Variants in SNAP91 observed in about 807,000 individuals in gnomAD.
The protein encoded by SNAP91 is synaptosome associated protein 91, also known as clathrin coat assembly protein AP180.
Under a neutral mutation model 100.3 loss-of-function variants are expected in SNAP91, and 27 were observed. That is an observed-to-expected ratio of 0.27 (90% confidence interval 0.20 to 0.37). The LOEUF (loss-of-function observed/expected upper bound fraction) is 0.37. SNAP91 is among the 10% of genes least tolerant of loss of function. The pLI is 1.00. For synonymous variants in SNAP91, 404 were observed against 398.6 expected, an observed-to-expected ratio of 1.01 and a Z score of -0.16; for missense variants, 986 against 1,123.7, an observed-to-expected ratio of 0.88 and a Z score of 1.75.
At position 83,607,724 on chromosome 6, in the gene SNAP91, T is replaced by C; in HGVS notation, c.997A>G (p.Thr333Ala). The change falls in exon 13 of 30, where the codon ACT becomes GCT. Residue 333 changes from threonine to alanine, a missense_variant. Physicochemically the swap from Thr to Ala is moderately conservative, Grantham distance 58. Coordinates refer to ENST00000369694, the MANE Select transcript of SNAP91 (RefSeq NM_001242792.2). Reference sequence around the variant, plus strand: ...CTGACTGGGACAGCCGCAGATGCAGTTGCAAATAAATCAACCGGTGGGGAT... The same window carrying C: ...CTGACTGGGACAGCCGCAGATGCAGCTGCAAATAAATCAACCGGTGGGGAT... ...DTSPPVDLFATASAAVPVSTS... is the reference protein window; with the variant it reads ...DTSPPVDLFAAASAAVPVSTS... 1 of 1,588,722 alleles carries C rather than the reference T, an allele frequency of 6.3e-7. No individual in the cohort carries two copies. Among genetic ancestry groups the C allele is most frequent in the Non-Finnish European group, 8.6e-7 (1 of 1,166,914 alleles).
chr6:83,681,306 C>T lies in SNAP91; in HGVS notation c.131-15725G>A, dbSNP rs116547578. On this transcript the variant is annotated intron_variant, in intron 2 of 29. Coordinates refer to ENST00000369694, the MANE Select transcript of SNAP91 (RefSeq NM_001242792.2). ...CCTAAGGTCCCCAGATAGCATTGGC[C>T]TGAACTTTGATTTTCACCAGGAGCA... Among the ~76,000 whole-genome samples the T allele has an allele frequency of 9.4e-3, 1,432 of 152,238 alleles. 26 individuals are homozygous for T. The highest frequency in any genetic ancestry group is 0.032 in the African/African-American group (1,338 of 41,542).
At chr6:83,707,269 C>T (rs1171553692) in intron 2 of SNAP91, among the ~76,000 whole-genome samples, 1 of 152,140 alleles carries the variant, frequency 6.6e-6, no homozygotes, top group East Asian at 1.9e-4. Flanking sequence ...CTCACACACA[C>T]ACACACACAC....
intron 22 of SNAP91, among the ~76,000 whole-genome samples, chr6:83,588,036 C>T (rs545659200): frequency 2.8e-5 from 4 of 141,044 alleles, no homozygotes; most frequent in Non-Finnish European, 6.1e-5. Flanking sequence ...ACCATGTTGG[C>T]CAGGCTGGCT....
chr6:83,707,505 T>A (rs1006708027), intron 2 of SNAP91, among the ~76,000 whole-genome samples: 1 of 149,276 alleles, frequency 6.7e-6, no homozygotes, highest in African/African-American at 2.5e-5. Flanking sequence ...GTGTGTACAA[T>A]CTCTCTCTTG....
intron 2 of SNAP91, among the ~76,000 whole-genome samples, chr6:83,701,869 CAGCT>C (rs2099315898): frequency 6.6e-6 from 1 of 152,220 alleles, no homozygotes; most frequent in Non-Finnish European, 1.5e-5. Flanking sequence ...GGCAGAAAAA[CAGCT>C]AGAAAGACTG....
intron 5 of SNAP91, among the ~76,000 whole-genome samples, chr6:83,660,830 G>C (rs185010720): frequency 1.3e-5 from 2 of 150,702 alleles, no homozygotes; most frequent in Non-Finnish European, 2.9e-5. Context: ...CCAGGCTGGA[G>C]TGCAGGGGCA....
chr6:83,632,254 T>C (rs904445396), intron 8 of SNAP91, among the ~76,000 whole-genome samples: 2 of 152,104 alleles, frequency 1.3e-5, no homozygotes, highest in Non-Finnish European at 2.9e-5. Flanking sequence ...GTTATACCTT[T>C]AAAGGTATAA....
At chr6:83,614,956 A>G in intron 10 of SNAP91, 94 bp from the exon 11 acceptor site, 4 of 1,030,116 alleles carry the variant, frequency 3.9e-6, no homozygotes, top group Non-Finnish European at 5.7e-6. Context: ...AGCAAAAGAC[A>G]AGTTCAAATG....
At chr6:83,629,478 T>G (rs1363000534) in intron 8 of SNAP91, among the ~76,000 whole-genome samples, 1 of 152,184 alleles carries the variant, frequency 6.6e-6, no homozygotes, top group Non-Finnish European at 1.5e-5. Flanking sequence ...ATACGGATTC[T>G]ACCCATCCAT....
intron 24 of SNAP91, among the ~76,000 whole-genome samples, chr6:83,579,193 ATTGT>A (rs1341347147): frequency 3.3e-5 from 5 of 152,004 alleles, no homozygotes; most frequent in Non-Finnish European, 5.9e-5. Flanking sequence ...CTTTTTCAAG[ATTGT>A]TTGGGTATTG....
intron 7 of SNAP91, among the ~76,000 whole-genome samples, chr6:83,643,869 A>T: frequency 6.6e-6 from 1 of 152,272 alleles, no homozygotes; most frequent in Non-Finnish European, 1.5e-5. Flanking sequence ...TTTAGAGAAA[A>T]GACAGTCTTT....
intron 28 of SNAP91, among the ~76,000 whole-genome samples, chr6:83,556,620 G>T (rs891548921): frequency 6.6e-6 from 1 of 152,088 alleles, no homozygotes; most frequent in African/African-American, 2.4e-5. Flanking sequence ...GTATGACTTA[G>T]GGAAGATGTG....
chr6:83,699,200 A>C (rs1202455345), intron 2 of SNAP91, among the ~76,000 whole-genome samples: 1 of 152,200 alleles, frequency 6.6e-6, no homozygotes, highest in African/African-American at 2.4e-5. Context: ...CACATGAGGA[A>C]TCATGATTGA....
Position 83,592,509 on chromosome 6 carries a change from T to C in SNAP91, c.1876A>G (p.Thr626Ala). The change falls in exon 21 of 30, where the codon ACC (threonine) becomes GCC (alanine). Residue 626 changes from threonine (T) to alanine (A), a missense_variant. Coordinates refer to ENST00000369694, the MANE Select transcript of SNAP91 (RefSeq NM_001242792.2). ...TCCACCTTTGCTGGCGAGGCAGTGG[T>C]TGCAGGAGATGGTGCTGCAAATGCA... ...VDAFAAPSPA[T>A]TASPAKVDSS... 1 of 1,610,732 alleles carries C rather than the reference T, an allele frequency of 6.2e-7. No homozygotes were observed. Among genetic ancestry groups the C allele is most frequent in the Non-Finnish European group, 8.5e-7 (1 of 1,178,528 alleles).
intron 2 of SNAP91, chr6:83,685,956 T>A (rs916529847): frequency 6.4e-6 from 1 of 155,566 alleles, no homozygotes; most frequent in African/African-American, 2.4e-5. Context: ...TTGACTTACC[T>A]TTTTGTTTAT....
chr6:83,579,839 A>G (rs1825492797), intron 24 of SNAP91, among the ~76,000 whole-genome samples: 1 of 152,174 alleles, frequency 6.6e-6, no homozygotes, highest in African/African-American at 2.4e-5. Flanking sequence ...GGCTTACTCT[A>G]ACTCCTACCC....
intron 6 of SNAP91, among the ~76,000 whole-genome samples, chr6:83,658,169 C>A (rs564135236): frequency 6.6e-6 from 1 of 152,016 alleles, no homozygotes; most frequent in Non-Finnish European, 1.5e-5. Flanking sequence ...TCCCATATAC[C>A]ATTTACCCAG....
chr6:83,665,377 C>T (rs1586463270), intron 3 of SNAP91, 62 bp downstream of exon 3: 1 of 1,506,020 alleles, frequency 6.6e-7, no homozygotes, highest in East Asian at 2.3e-5. Flanking sequence ...CTTAAATCAT[C>T]ACCATGCTCT....
chr6:83,682,587 TTTA>T (rs1195631251), intron 2 of SNAP91, among the ~76,000 whole-genome samples: 1 of 151,818 alleles, frequency 6.6e-6, no homozygotes, highest in South Asian at 2.1e-4. Context: ...ATTTTTTTAT[TTTA>T]TTATTATTAT....
Sources: allele counts gnomAD v4.1 joint callset (sites outside exome capture counted in the v4.1 genomes callset), GRCh38; gene constraint gnomAD v4.1.1; transcripts MANE v1.5; gene names NCBI Gene and HGNC (gene_info 2026-07-23, HGNC 2026-07-21).